The following FBRSL1 variants were observed in gnomAD, a reference collection of about 807,000 sequenced individuals.
FBRSL1 encodes the protein fibrosin like 1, also known as fibrosin-1-like protein.
Under a neutral mutation model 89.6 loss-of-function variants are expected in FBRSL1, and 51 were observed. The ratio of observed to expected loss-of-function variants is 0.57; its 90% confidence interval spans 0.45 to 0.72. FBRSL1 has a LOEUF of 0.72. Among genes scored for constraint, FBRSL1 ranks in the 30% least tolerant of loss-of-function variants. The pLI, the probability that FBRSL1 is intolerant of heterozygous loss-of-function variation, is 0.00. For missense variants in FBRSL1, 1,618 were observed against 1,451.8 expected, an observed-to-expected ratio of 1.11 and a Z score of -1.86; for synonymous variants, 779 against 681.1, an observed-to-expected ratio of 1.14 and a Z score of -2.24.
In FBRSL1 at chr12:132,511,270, G is replaced by A. The variant is rs1038985219; in HGVS notation, c.489+2920G>A. On this transcript the variant is annotated intron_variant, in intron 2 of 18. Coordinates refer to ENST00000680143, the MANE Select transcript of FBRSL1 (RefSeq NM_001367871.1). ...GCCTGCAGGGTCTCCAGGCGAGGGG[G>A]ACCCCACAGGGTGGGCAGCGCCTTC... is the stretch of plus-strand genomic sequence containing the variant. The A allele has an allele frequency of 2.2e-5, 22 of 985,430 alleles. No homozygotes were observed. In the East Asian group the frequency reaches 7.9e-4, roughly 36 times the overall value. The allele number at this position is 985,430 out of a possible 1,614,324, so 61.0% of individuals were successfully genotyped here. A position where few individuals can be genotyped will look rare whatever the true frequency, so the allele number is the denominator to read the frequency against.
intron 5 of FBRSL1, chr12:132,552,474 AC>A (rs1214836413): frequency 6.8e-6 from 1 of 147,168 alleles, no homozygotes; most frequent in Admixed American, 7.0e-5. Context: ...TGGGGCACTC[AC>A]CCCGCAGGAT....
intron 1 of FBRSL1, among the ~76,000 whole-genome samples, chr12:132,500,148 G>A (rs2136417529): frequency 6.6e-6 from 1 of 152,304 alleles, no homozygotes; most frequent in East Asian, 1.9e-4. Flanking sequence ...AGCGTCTGGG[G>A]CTGGGAGCCG....
chr12:132,496,163 G>T (rs947801985), intron 1 of FBRSL1, among the ~76,000 whole-genome samples: 2 of 152,226 alleles, frequency 1.3e-5, no homozygotes, highest in Non-Finnish European at 2.9e-5. Flanking sequence ...GGGGTCTCCC[G>T]GGGTCCCTGT....
chr12:132,505,740 G>A (rs775378576), intron 1 of FBRSL1, among the ~76,000 whole-genome samples: 14 of 152,336 alleles, frequency 9.2e-5, no homozygotes, highest in Non-Finnish European at 1.6e-4. Context: ...TTGCTGTGGG[G>A]CCTCTGAAAC....
At chr12:132,508,975 C>T (rs879900161) in intron 2 of FBRSL1, among the ~76,000 whole-genome samples, 12 of 152,322 alleles carry the variant, frequency 7.9e-5, no homozygotes, top group Admixed American at 7.2e-4. Context: ...CAGCTGCTTC[C>T]TCCGCGGGGG....
chr12:132,514,918 C>G (rs185910058), intron 2 of FBRSL1, among the ~76,000 whole-genome samples: 4 of 152,144 alleles, frequency 2.6e-5, no homozygotes, highest in Non-Finnish European at 5.9e-5. Flanking sequence ...ATTGTCACAT[C>G]TTTTTTACTC....
In FBRSL1 at chr12:132,541,432, C is replaced by T. The variant is rs571820613; in HGVS notation, c.616-6571C>T. On this transcript the variant is annotated intron_variant, in intron 4 of 18. Coordinates refer to ENST00000680143, the MANE Select transcript of FBRSL1 (RefSeq NM_001367871.1). ...GCCAGCAGCCCCGCCAGAGGTCATG[C>T]ACCCCCCCACCCCGGGGACAGCTGC... Among the ~76,000 whole-genome samples the T allele has an allele frequency of 3.3e-5, 5 of 152,328 alleles. No individual in the cohort carries two copies. In the East Asian group the frequency reaches 9.7e-4, roughly 29 times the overall value.
chr12:132,551,900 T>C (rs1253151984), intron 5 of FBRSL1: 2 of 282,480 alleles, frequency 7.1e-6, no homozygotes, highest in Admixed American at 8.5e-5. Context: ...GTGGCCTCGC[T>C]CCTCCTGCTG....
rs1019486194 is a variant in FBRSL1 at position 132,546,549 on chromosome 12, C to A, written c.616-1454C>A. Among the ~76,000 whole-genome samples the A allele has an allele frequency of 6.6e-6, 1 of 151,608 alleles. No individual in the cohort carries two copies. On this transcript the variant is annotated intron_variant, in intron 4 of 18. Coordinates refer to ENST00000680143, the MANE Select transcript of FBRSL1 (RefSeq NM_001367871.1). The surrounding 1 kb of genome is among the most constrained non-coding windows in gnomAD (Gnocchi z 4.0). The stretch of plus-strand genomic sequence containing the variant: ...GAGGGCTTGGCCACGGCTGAAAGGC[C>A]AGACCGGGGGGACCCTAGGAGAGGG...
chr12:132,545,994 G>A (rs2037654537), intron 4 of FBRSL1, among the ~76,000 whole-genome samples: 2 of 152,174 alleles, frequency 1.3e-5, no homozygotes, highest in South Asian at 4.1e-4. Context: ...CTCCCTCTCG[G>A]CCCTCCCCAG....
chr12:132,576,146 T>C (rs1486042089), intron 14 of FBRSL1, among the ~76,000 whole-genome samples: 1 of 151,018 alleles, frequency 6.6e-6, no homozygotes, highest in Non-Finnish European at 1.5e-5. Flanking sequence ...CTGAGAAACT[T>C]TTCAGCATAT....
chr12:132,522,800 G>A (rs933717315), intron 2 of FBRSL1, among the ~76,000 whole-genome samples: 5 of 152,234 alleles, frequency 3.3e-5, no homozygotes, highest in African/African-American at 7.2e-5. Flanking sequence ...GTGCTGGGCC[G>A]TTGGTGCCGT....
Position 132,490,677 on chromosome 12 carries a change from ACGAGCC to A in FBRSL1, c.115_120del (p.Glu39_Pro40del). The stretch of plus-strand genomic sequence containing the variant: ...CGCGCCCAGAGTCCGTCGTCGGGCG[ACGAGCC>A]CGAGCCCAGCCCCGGCAAGGAGAAC... On this transcript the variant is annotated inframe_deletion, in exon 1 of 19. Transcript: ENST00000680143. The A allele has an allele frequency of 1.0e-6, 1 of 999,430 alleles. No individual in the cohort carries two copies. Among genetic ancestry groups the A allele is most frequent in the Non-Finnish European group, 1.2e-6 (1 of 835,776 alleles). 61.9% of individuals were successfully genotyped at this position (999,430 alleles called of 1,614,324 possible).
rs1007528287 is a variant in FBRSL1, at chr12:132,581,506, C to T, written c.1902C>T (p.Gly634=). ...SAHPGSFLPT[G]PLTDPFSRPS... ...ATCCTGGCAGCTTCCTGCCCACTGGCCCCCTGACAGGTGGGTGTCTCTGAA... is the reference window on the plus strand; with the variant it reads ...ATCCTGGCAGCTTCCTGCCCACTGGTCCCCTGACAGGTGGGTGTCTCTGAA... The change falls in exon 16 of 19, where the codon GGC becomes GGT. Residue 634 remains glycine, a synonymous_variant. Transcript: ENST00000680143. 4.5e-6 allele frequency: 7 copies of T among 1,551,002 alleles called. No individual in the cohort carries two copies. Among genetic ancestry groups the T allele is most frequent in the South Asian group, 1.2e-5 (1 of 84,066 alleles).
chr12:132,574,606 C>A, intron 14 of FBRSL1, 42 bp downstream of exon 14: 2 of 1,537,180 alleles, frequency 1.3e-6, no homozygotes, highest in Non-Finnish European at 1.8e-6. Flanking sequence ...GTGAACCCGA[C>A]TCCAGCCTGG....
chr12:132,567,436 T>C lies in FBRSL1; in HGVS notation c.646-45T>C, dbSNP rs376686442. ...GCATTGGGCGCAAGGTCCACGAGGA[T>C]GAGGACCACCCTGACTGCCCCTGAC... On this transcript the variant is annotated intron_variant, in intron 5 of 18. Transcript: ENST00000680143. 66 of 1,543,282 alleles carry C rather than the reference T, an allele frequency of 4.3e-5. No individual in the cohort carries two copies. The African/African-American group carries it at 8.8e-4, about 21-fold the overall frequency.
chr12:132,500,151 G>A (rs1283053359), intron 1 of FBRSL1, among the ~76,000 whole-genome samples: 2 of 152,210 alleles, frequency 1.3e-5, no homozygotes, highest in African/African-American at 4.8e-5. Flanking sequence ...GTCTGGGGCT[G>A]GGAGCCGCAC....
intron 5 of FBRSL1, chr12:132,559,983 G>C (rs2038973033): frequency 6.8e-6 from 1 of 147,554 alleles, no homozygotes; most frequent in Non-Finnish European, 1.5e-5. Flanking sequence ...CGCGCCCGCC[G>C]CCTCGGGGCC....
chr12:132,500,832 C>T (rs930590297), intron 1 of FBRSL1, among the ~76,000 whole-genome samples: 3 of 152,206 alleles, frequency 2.0e-5, no homozygotes, highest in African/African-American at 7.2e-5. Flanking sequence ...CACAGCCCCA[C>T]CCTCTCTAAC....
Sources: allele counts gnomAD v4.1 joint callset (sites outside exome capture counted in the v4.1 genomes callset), GRCh38; gene constraint gnomAD v4.1.1; non-coding constraint Gnocchi (gnomAD v3.1); transcripts MANE v1.5; gene names NCBI Gene and HGNC (gene_info 2026-07-23, HGNC 2026-07-21).